HPS3: variants seen among roughly 807,000 people sequenced by gnomAD.
HPS3 encodes the protein HPS3 biogenesis of lysosomal organelles complex 2 subunit 1.
In HPS3, 79 loss-of-function variants were observed where a neutral mutation model predicts 110.9. The observed-to-expected ratio is 0.71, with a 90% CI of 0.59 to 0.86. The LOEUF is 0.86. Ranked by LOEUF, HPS3 falls within the 40% of genes least tolerant of loss-of-function variation. The pLI, the probability that HPS3 is intolerant of heterozygous loss-of-function variation, is 0.00. For missense variants in HPS3, 1,197 were observed against 1,206.2 expected, an observed-to-expected ratio of 0.99 and a Z score of 0.11; for synonymous variants, 428 against 451.0, an observed-to-expected ratio of 0.95 and a Z score of 0.65.
intron 9 of HPS3, 152 bp downstream of exon 9, chr3:149,157,683 T>C: frequency 1.3e-6 from 1 of 741,458 alleles, no homozygotes; most frequent in South Asian, 1.6e-5. Context: ...ACATACTCTG[T>C]TAGGCACTGT....
At chr3:149,144,699 T>C (rs182142461) in intron 4 of HPS3, among the ~76,000 whole-genome samples, 70 of 152,328 alleles carry the variant, frequency 4.6e-4, no homozygotes, top group African/African-American at 1.5e-3. Flanking sequence ...TCCATTTGAG[T>C]TGGTAGATGG....
Position 149,140,261 on chromosome 3 carries a change from T to C in HPS3, c.475T>C (p.Phe159Leu), listed in dbSNP as rs1310086085. The C allele has an allele frequency of 1.9e-6, 3 of 1,614,218 alleles. No individual in the cohort carries two copies. Among genetic ancestry groups the C allele is most frequent in the East Asian group, 2.2e-5 (1 of 44,892 alleles). The change falls in exon 2 of 17, where the codon TTT (phenylalanine) becomes CTT (leucine). Residue 159 changes from phenylalanine to leucine, a missense_variant. Coordinates refer to ENST00000296051, the MANE Select transcript of HPS3 (RefSeq NM_032383.5). ...TGGCTGCACAAATAAATTAGTCTTATTTAGTTTGAAGTACCAGATCATTAA... is the reference window on the plus strand; with the variant it reads ...TGGCTGCACAAATAAATTAGTCTTACTTAGTTTGAAGTACCAGATCATTAA... ...LVGCTNKLVL[F>L]SLKYQIINEE...
At chr3:149,140,587 G>A (rs1722382794) in intron 2 of HPS3, 89 bp downstream of exon 2, 4 of 1,357,576 alleles carry the variant, frequency 2.9e-6, no homozygotes, top group Admixed American at 2.0e-5. Flanking sequence ...TATATATGGT[G>A]CCCGGCCATG....
At chr3:149,162,633 C>T (rs978896217) in intron 12 of HPS3, 57 bp from the exon 13 acceptor site, 16 of 1,548,510 alleles carry the variant, frequency 1.0e-5, no homozygotes, top group African/African-American at 1.4e-5. Context: ...GCCCAGCTGT[C>T]GCTTTATCAG....
chr3:149,150,796 T>C lies in HPS3; in HGVS notation c.1245+116T>C, dbSNP rs187860042. 3.4e-4 allele frequency: 284 copies of C among 823,394 alleles called. No homozygotes were observed. In the African/African-American group the frequency reaches 3.9e-3, roughly 11 times the overall value. 51.0% of individuals were successfully genotyped at this position (823,394 alleles called of 1,614,324 possible). ...AAGAACAAAAGAGCTTAAGGTTGTCTAATGTATTGAATTAGAACTTTTGGA... is the reference window on the plus strand; with the variant it reads ...AAGAACAAAAGAGCTTAAGGTTGTCCAATGTATTGAATTAGAACTTTTGGA... On this transcript the variant is annotated intron_variant, in intron 6 of 16. Transcript: ENST00000296051.
chr3:149,140,290 G>A lies in HPS3; in HGVS notation c.504G>A (p.Glu168=), dbSNP rs1341977426. ...LFSLKYQIIN[E]EFSLLDFERS... Reference sequence around the variant, plus strand: ...GTTTGAAGTACCAGATCATTAATGAGGAATTCTCACTATTGGACTTTGAAC... The same window carrying A: ...GTTTGAAGTACCAGATCATTAATGAAGAATTCTCACTATTGGACTTTGAAC... Residue 168 remains glutamate, a synonymous_variant, in exon 2 of 17, where the codon GAG becomes GAA. Transcript: ENST00000296051. 1 of 1,613,906 alleles carries A rather than the reference G, an allele frequency of 6.2e-7. No individual in the cohort carries two copies. Among genetic ancestry groups the A allele is most frequent in the East Asian group, 2.2e-5 (1 of 44,890 alleles).
intron 4 of HPS3, among the ~76,000 whole-genome samples, chr3:149,144,955 G>A (rs1445241499): frequency 6.6e-6 from 1 of 152,116 alleles, no homozygotes; most frequent in Non-Finnish European, 1.5e-5. Context: ...TTTTAAAAAT[G>A]TGATTACTAG....
intron 5 of HPS3, 81 bp downstream of exon 5, chr3:149,145,627 G>A: frequency 9.5e-7 from 1 of 1,054,372 alleles, no homozygotes; most frequent in Non-Finnish European, 1.5e-6. Context: ...TGTGAGAATT[G>A]TGTGAACTAG....
chr3:149,156,574 C>CTT (rs35727286), intron 8 of HPS3, among the ~76,000 whole-genome samples: 1 of 135,450 alleles, frequency 7.4e-6, no homozygotes, highest in Non-Finnish European at 1.6e-5. Flanking sequence ...TTAGGGTTTG[C>CTT]TTTTTTTTTT....
At position 149,168,179 on chromosome 3, in the gene HPS3, A is replaced by T. The variant is rs1209856322; in HGVS notation, c.2887+196A>T. 1.1e-5 allele frequency: 6 copies of T among 566,282 alleles called. No homozygotes were observed. The Admixed American group carries it at 1.9e-4, about 18-fold the overall frequency. 35.1% of individuals were successfully genotyped at this position (566,282 alleles called of 1,614,324 possible). On this transcript the variant is annotated intron_variant, in intron 16 of 16. Transcript: ENST00000296051. ...GATTTATCTCCTAGTCACAGAACTG[A>T]TGTTCTTTTAACTTAATCCTTTCAA...
intron 1 of HPS3, among the ~76,000 whole-genome samples, chr3:149,132,076 G>A (rs1389493379): frequency 2.0e-5 from 3 of 152,200 alleles, no homozygotes; most frequent in African/African-American, 7.2e-5. Flanking sequence ...GGAAGAAGCT[G>A]TCTCCATAAT....
At chr3:149,161,595 C>T (rs778710740) in intron 11 of HPS3, among the ~76,000 whole-genome samples, 1 of 150,556 alleles carries the variant, frequency 6.6e-6, no homozygotes, top group Non-Finnish European at 1.5e-5. Context: ...CTGCAACCTC[C>T]ACCTCCCAGG....
In HPS3 at chr3:149,129,776, G is replaced by A; in HGVS notation, c.53G>A (p.Cys18Tyr). ...HPFGSQQVVP[C>Y]KLEPDRFCGG... The stretch of plus-strand genomic sequence containing the variant: ...TTCGGGTCGCAGCAGGTGGTGCCCT[G>A]CAAGCTGGAGCCGGACCGGTTCTGT... The change falls in exon 1 of 17, where the codon TGC (cysteine) becomes TAC (tyrosine). Residue 18 changes from cysteine (C) to tyrosine (Y), a missense_variant. Physicochemically the swap from Cys to Tyr is radical, Grantham distance 194. Coordinates refer to ENST00000296051, the MANE Select transcript of HPS3 (RefSeq NM_032383.5). 1 of 1,608,700 alleles carries A rather than the reference G, an allele frequency of 6.2e-7. No homozygotes were observed. Among genetic ancestry groups the A allele is most frequent in the Non-Finnish European group, 8.5e-7 (1 of 1,179,034 alleles).
intron 5 of HPS3, among the ~76,000 whole-genome samples, chr3:149,148,648 G>A (rs1576675680): frequency 6.7e-6 from 1 of 150,016 alleles, no homozygotes; most frequent in Admixed American, 6.6e-5. Context: ...CAGGCAATTC[G>A]CCCACCTCAG....
In HPS3 at chr3:149,172,275, T is replaced by C. The variant is rs1286681858; in HGVS notation, c.*53T>C. ...GCATTTGAGACTGAATTTCTAAAAA[T>C]TGAATGCCAAAGTACAAGTAGAGGA... is the stretch of plus-strand genomic sequence containing the variant. On this transcript the variant is annotated 3_prime_UTR_variant, in exon 17 of 17. Transcript: ENST00000296051. The C allele has an allele frequency of 5.9e-6, 9 of 1,523,644 alleles. No individual in the cohort carries two copies. Among genetic ancestry groups the C allele is most frequent in the Middle Eastern group, 2.0e-4 (1 of 5,050 alleles). The allele number at this position is 1,523,644 out of a possible 1,614,324, so 94.4% of individuals were successfully genotyped here.
In HPS3 at chr3:149,153,603, A is replaced by T; in HGVS notation, c.1355A>T (p.Glu452Val). The T allele has an allele frequency of 6.2e-7, 1 of 1,614,226 alleles. No homozygotes were observed. The highest frequency in any genetic ancestry group is 8.5e-7 in the Non-Finnish European group (1 of 1,180,026). Residue 452 changes from glutamate (E) to valine (V), a missense_variant, in exon 7 of 17, where the codon GAA becomes GTA. Glu to Val is a moderately radical substitution (Grantham distance 121). Transcript: ENST00000296051. ...CACATCATACTTTTGACTAAAGCAG[A>T]ACCTGAAGCCATTCCAGAGAGAAGA... ...KNHIILLTKA[E>V]PEAIPERRQS...
At chr3:149,139,411 A>T (rs1722298891) in intron 1 of HPS3, among the ~76,000 whole-genome samples, 1 of 152,166 alleles carries the variant, frequency 6.6e-6, no homozygotes, top group South Asian at 2.1e-4. Context: ...CAAGGGGGAG[A>T]TCATTATGCT....
chr3:149,157,599 T>G (rs1559919274), intron 9 of HPS3, 68 bp downstream of exon 9: 2 of 1,417,472 alleles, frequency 1.4e-6, no homozygotes, highest in East Asian at 4.6e-5. Context: ...TGTTAGCTTT[T>G]CCATCTCTGG....
intron 16 of HPS3, among the ~76,000 whole-genome samples, chr3:149,171,236 C>T (rs1207266444): frequency 6.6e-6 from 1 of 151,968 alleles, no homozygotes; most frequent in Non-Finnish European, 1.5e-5. Flanking sequence ...TGAGATCGCA[C>T]CACTGCACTC....
Sources: gnomAD v4.1 joint callset for allele counts (sites outside exome capture counted in the v4.1 genomes callset) on GRCh38, gnomAD v4.1.1 for gene constraint, MANE v1.5 for transcripts, NCBI Gene and HGNC (gene_info 2026-07-23, HGNC 2026-07-21) for gene names.